Variants in CPS1 observed in about 807,000 individuals in gnomAD.
The protein encoded by CPS1 is carbamoyl-phosphate synthase 1, also known as carbamoyl-phosphate synthase [ammonia], mitochondrial.
In CPS1, 109 loss-of-function variants were observed where a neutral mutation model predicts 174.6. That is an observed-to-expected ratio of 0.62 (90% confidence interval 0.53 to 0.73). The LOEUF is 0.73. Among genes scored for constraint, CPS1 ranks in the 30% least tolerant of loss-of-function variants. The pLI is 0.00. For missense variants in CPS1, 1,689 were observed against 1,821.9 expected, an observed-to-expected ratio of 0.93 and a Z score of 1.33; for synonymous variants, 637 against 632.0, an observed-to-expected ratio of 1.01 and a Z score of -0.12.
chr2:210,573,191 A>T, intron 1 of CPS1, 107 bp from the exon 2 acceptor site: 1 of 988,516 alleles, frequency 1.0e-6, no homozygotes, highest in Non-Finnish European at 1.6e-6. Context: ...TGGTTTCATT[A>T]AATATACTGT....
At position 210,616,442 on chromosome 2, in the gene CPS1, C is replaced by T. The variant is rs369672022; in HGVS notation, c.2588C>T (p.Ser863Phe). Residue 863 changes from serine (S) to phenylalanine (F), a missense_variant, in exon 21 of 38, where the codon TCC becomes TTC. Transcript: ENST00000233072. ...AIAKAIDDNM[S>F]LDEIEKLTYI... ...TGGCAGGCCATTGATGACAACATGT[C>T]CCTTGATGAGATTGAGAAGCTCACA... 63 of 1,611,058 alleles carry T rather than the reference C, an allele frequency of 3.9e-5. No individual in the cohort carries two copies. Among genetic ancestry groups the T allele is most frequent in the Non-Finnish European group, 4.7e-5 (55 of 1,177,804 alleles).
At chr2:210,575,026 A>G (rs1297521267) in intron 2 of CPS1, among the ~76,000 whole-genome samples, 1 of 152,030 alleles carries the variant, frequency 6.6e-6, no homozygotes, top group East Asian at 1.9e-4. Context: ...ATCTTTAAGC[A>G]ATGCATTTAT....
rs544244446 is a variant in CPS1 at position 210,619,109 on chromosome 2, T to A, written c.2687+2568T>A. On this transcript the variant is annotated intron_variant, in intron 21 of 37. Coordinates refer to ENST00000233072, the MANE Select transcript of CPS1 (RefSeq NM_001875.5). ...TACCGCACTCCCTTTGTACTTTTCA[T>A]AGAGATCCTTGAGAAGACAGGCAGT... The A allele has an allele frequency of 8.5e-5, 13 of 152,150 alleles. No homozygotes were observed. In the South Asian group the frequency reaches 2.7e-3, roughly 32 times the overall value. 9.4% of individuals were successfully genotyped at this position (152,150 alleles called of 1,614,324 possible). A position where few individuals can be genotyped will look rare whatever the true frequency, so the allele number is the denominator to read the frequency against.
intron 10 of CPS1, 110 bp downstream of exon 10, chr2:210,592,079 A>T: frequency 8.4e-7 from 1 of 1,196,546 alleles, no homozygotes; most frequent in Non-Finnish European, 1.2e-6. Context: ...TGATATTTTG[A>T]TACATGCATA....
intron 16 of CPS1, among the ~76,000 whole-genome samples, chr2:210,603,117 A>G (rs1272581915): frequency 6.6e-6 from 1 of 151,934 alleles, no homozygotes; most frequent in Non-Finnish European, 1.5e-5. Context: ...CAGGAGTTCA[A>G]TAATGTCTTT....
intron 27 of CPS1, among the ~76,000 whole-genome samples, chr2:210,648,859 C>T (rs993536865): frequency 6.6e-6 from 1 of 152,184 alleles, no homozygotes; most frequent in African/African-American, 2.4e-5. Context: ...AGGTATCTCT[C>T]GCCAGCGTGT....
chr2:210,659,536 C>G (rs1243779615), intron 31 of CPS1, among the ~76,000 whole-genome samples: 1 of 152,138 alleles, frequency 6.6e-6, no homozygotes, highest in Admixed American at 6.5e-5. Flanking sequence ...CTCCAGCTTC[C>G]ATCATGGCCA....
intron 1 of CPS1, among the ~76,000 whole-genome samples, chr2:210,535,369 C>G (rs77892849): frequency 3.3e-5 from 5 of 152,122 alleles, no homozygotes; most frequent in Admixed American, 6.5e-5. Flanking sequence ...CGTTCCCCTC[C>G]CAATCCCTCC....
At chr2:210,572,397 G>A (rs1433783453) in intron 1 of CPS1, among the ~76,000 whole-genome samples, 2 of 151,956 alleles carry the variant, frequency 1.3e-5, no homozygotes, top group African/African-American at 4.8e-5. Context: ...TAGAGAATCT[G>A]TATTTTGTCT....
chr2:210,486,564 G>T (rs1411398286), intron 1 of CPS1, among the ~76,000 whole-genome samples: 1 of 152,196 alleles, frequency 6.6e-6, no homozygotes, highest in African/African-American at 2.4e-5. Flanking sequence ...AGGCTGGAGT[G>T]CAATGGTGCG....
intron 7 of CPS1, 79 bp from the exon 8 acceptor site, chr2:210,590,027 T>G: frequency 6.3e-7 from 1 of 1,578,456 alleles, no homozygotes; most frequent in Non-Finnish European, 8.7e-7. Context: ...GAATGGTTAG[T>G]CAAGAGAAAG....
At chr2:210,517,004 A>G (rs554096472) in intron 1 of CPS1, among the ~76,000 whole-genome samples, 1 of 151,944 alleles carries the variant, frequency 6.6e-6, no homozygotes, top group East Asian at 1.9e-4. Context: ...GTCTTTATGC[A>G]TATATTAATA....
intron 1 of CPS1, among the ~76,000 whole-genome samples, chr2:210,517,382 G>A (rs1695710715): frequency 6.6e-6 from 1 of 151,974 alleles, no homozygotes; most frequent in Non-Finnish European, 1.5e-5. Context: ...GTAAAGTAAA[G>A]GTTTCTATTT....
At chr2:210,513,093 CATATATATGGGGAT>C (rs1559056501) in intron 1 of CPS1, among the ~76,000 whole-genome samples, 8 of 123,650 alleles carry the variant, frequency 6.5e-5, no homozygotes, top group Non-Finnish European at 1.0e-4. Context: ...TATGGAGATA[CATATATATGGGGAT>C]ATATATATGG....
At chr2:210,550,538 T>C (rs530058235) in intron 1 of CPS1, among the ~76,000 whole-genome samples, 2 of 152,084 alleles carry the variant, frequency 1.3e-5, no homozygotes, top group East Asian at 3.9e-4. Context: ...GAATTGTTTT[T>C]AAAATTAGCA....
At chr2:210,504,874 A>G (rs1695236167) in intron 1 of CPS1, among the ~76,000 whole-genome samples, 1 of 152,180 alleles carries the variant, frequency 6.6e-6, no homozygotes, top group Non-Finnish European at 1.5e-5. Context: ...GTGTCTGCAC[A>G]ATCCTAAATA....
At chr2:210,607,466 C>T in intron 18 of CPS1, among the ~76,000 whole-genome samples, 1 of 151,952 alleles carries the variant, frequency 6.6e-6, no homozygotes, top group Middle Eastern at 3.2e-3. Context: ...CACTAGCAGG[C>T]ATGATTGGAG....
intron 1 of CPS1, among the ~76,000 whole-genome samples, chr2:210,544,696 T>C (rs1353354581): frequency 2.0e-5 from 3 of 152,158 alleles, no homozygotes; most frequent in Non-Finnish European, 4.4e-5. Flanking sequence ...TTCTTCAGGC[T>C]GAAATATAAA....
chr2:210,642,721 C>CT, intron 25 of CPS1, 56 bp downstream of exon 25: 2 of 1,453,134 alleles, frequency 1.4e-6, no homozygotes, highest in Non-Finnish European at 1.9e-6. Flanking sequence ...ATGTAGTATA[C>CT]ACTTTATATA....
Sources: gnomAD v4.1 joint callset for allele counts (sites outside exome capture counted in the v4.1 genomes callset) on GRCh38, gnomAD v4.1.1 for gene constraint, MANE v1.5 for transcripts, NCBI Gene and HGNC (gene_info 2026-07-23, HGNC 2026-07-21) for gene names.